The following RBFOX1 variants were observed in gnomAD, a reference collection of about 807,000 sequenced individuals.
The protein encoded by RBFOX1 is RNA binding protein fox-1 homolog 1.
Under a neutral mutation model 57.7 loss-of-function variants are expected in RBFOX1, and 8 were observed. The observed-to-expected ratio is 0.14, with a 90% CI of 0.08 to 0.25. RBFOX1 has a LOEUF of 0.25. Ranked by LOEUF, RBFOX1 falls within the 10% of genes least tolerant of loss-of-function variation. RBFOX1 has a pLI of 1.00. For synonymous variants in RBFOX1, 326 were observed against 222.4 expected (o/e 1.47, Z -4.15); for missense variants, 611 against 548.5 (o/e 1.11, Z -1.14).
intron 3 of RBFOX1, among the ~76,000 whole-genome samples, chr16:5,629,026 C>T (rs1226491590): frequency 6.6e-6 from 1 of 151,980 alleles, no homozygotes; most frequent in Admixed American, 6.6e-5. Flanking sequence ...CCATCCAGGC[C>T]CCAAGCACCC....
At chr16:5,927,951 G>GC (rs1385330708) in intron 4 of RBFOX1, among the ~76,000 whole-genome samples, 1 of 152,196 alleles carries the variant, frequency 6.6e-6, no homozygotes, top group African/African-American at 2.4e-5. Context: ...TGGGGCAGGA[G>GC]CTGGAGGTTG....
chr16:6,648,598 C>T (rs774416108), intron 2 of RBFOX1, among the ~76,000 whole-genome samples: 1 of 152,162 alleles, frequency 6.6e-6, no homozygotes, highest in South Asian at 2.1e-4. Flanking sequence ...GCCACATCCC[C>T]TGGAGGGCTT....
At chr16:6,263,500 T>C (rs2097714330) in intron 1 of RBFOX1, among the ~76,000 whole-genome samples, 1 of 152,154 alleles carries the variant, frequency 6.6e-6, no homozygotes, top group Non-Finnish European at 1.5e-5. Context: ...CAGCCTCCAT[T>C]TATGAAACCA....
intron 3 of RBFOX1, among the ~76,000 whole-genome samples, chr16:6,815,980 T>C (rs2089980398): frequency 6.6e-6 from 1 of 152,132 alleles, no homozygotes; most frequent in Non-Finnish European, 1.5e-5. Flanking sequence ...GGTTGGCAAA[T>C]CCTTTGAGAA....
chr16:6,653,141 A>G (rs558058163), intron 2 of RBFOX1, among the ~76,000 whole-genome samples: 2 of 152,154 alleles, frequency 1.3e-5, no homozygotes, highest in East Asian at 3.9e-4. Context: ...TACTTGGCTC[A>G]TCCCCCTAAC....
chr16:6,735,163 C>G (rs2069807359), intron 3 of RBFOX1, among the ~76,000 whole-genome samples: 4 of 137,368 alleles, frequency 2.9e-5, no homozygotes, highest in African/African-American at 6.3e-5. Flanking sequence ...AAAACAACAA[C>G]AACATCAACA....
At position 6,180,390 on chromosome 16, in the gene RBFOX1, G is replaced by T. The variant is rs74613440; in HGVS notation, c.-126-136605G>T. 7.8e-3 allele frequency among the ~76,000 whole-genome samples: 1,184 copies of T among 151,426 alleles called. 15 individuals are homozygous for T. Among genetic ancestry groups the T allele is most frequent in the African/African-American group, 0.028 (1,145 of 41,312 alleles). Reference sequence around the variant, plus strand: ...AGAAATATTTTTTTCATTTTATCTAGGTTATCTATTATTTTTGGCCTAAAA... The same window carrying T: ...AGAAATATTTTTTTCATTTTATCTATGTTATCTATTATTTTTGGCCTAAAA... On this transcript the variant is annotated intron_variant, in intron 1 of 15. Coordinates refer to ENST00000550418, the MANE Select transcript of RBFOX1 (RefSeq NM_018723.4).
chr16:5,982,633 T>C (rs1333124582), intron 4 of RBFOX1, among the ~76,000 whole-genome samples: 6 of 152,178 alleles, frequency 3.9e-5, no homozygotes, highest in Non-Finnish European at 5.9e-5. Context: ...TATGGCTCTA[T>C]CCATTTTCTT....
intron 5 of RBFOX1, among the ~76,000 whole-genome samples, chr16:7,561,871 ATATAT>A (rs1023976937): frequency 5.9e-5 from 9 of 152,190 alleles, no homozygotes; most frequent in African/African-American, 1.9e-4. Context: ...ATCTTGCATA[ATATAT>A]TAGGGGGGAA....
chr16:7,122,785 A>G (rs1268964013), intron 4 of RBFOX1, among the ~76,000 whole-genome samples: 1 of 152,216 alleles, frequency 6.6e-6, no homozygotes, highest in African/African-American at 2.4e-5. Flanking sequence ...CAACTCTACC[A>G]TAGCCCCCTA....
chr16:7,273,237 C>CCTTCCTTCCTTCCTTCCTTCCTTA, intron 4 of RBFOX1, among the ~76,000 whole-genome samples: 1 of 140,846 alleles, frequency 7.1e-6, no homozygotes, highest in Non-Finnish European at 1.5e-5. Flanking sequence ...TTCCTTCCTT[C>CCTTCCTTCCTTCCTTCCTTCCTTA]CTTCCTTCCT....
At chr16:6,241,388 G>A (rs1000117016) in intron 1 of RBFOX1, among the ~76,000 whole-genome samples, 1 of 152,100 alleles carries the variant, frequency 6.6e-6, no homozygotes, top group East Asian at 1.9e-4. Context: ...ATCGCATTAC[G>A]AACGTGCTCA....
At chr16:7,147,211 G>C (rs927041191) in intron 4 of RBFOX1, among the ~76,000 whole-genome samples, 1 of 149,876 alleles carries the variant, frequency 6.7e-6, no homozygotes, top group East Asian at 2.0e-4. Context: ...CACCATGTTG[G>C]CCAGGCTGGT....
chr16:7,539,953 G>T (rs2082477446), intron 5 of RBFOX1, among the ~76,000 whole-genome samples: 3 of 152,170 alleles, frequency 2.0e-5, no homozygotes, highest in Admixed American at 6.5e-5. Flanking sequence ...TCCCAACGTT[G>T]CCCTTTATTC....
chr16:7,014,949 C>G (rs1456541538), intron 3 of RBFOX1, among the ~76,000 whole-genome samples: 1 of 152,132 alleles, frequency 6.6e-6, no homozygotes, highest in Non-Finnish European at 1.5e-5. Flanking sequence ...TGGTCTCAAA[C>G]TGCTGACGTT....
At chr16:5,733,678 T>TCTTTCCCTTCTCCTGGCTTCCTTCTCC (rs2052465783) in intron 3 of RBFOX1, among the ~76,000 whole-genome samples, 1 of 152,154 alleles carries the variant, frequency 6.6e-6, no homozygotes, top group Non-Finnish European at 1.5e-5. Context: ...GTGTCCTTCC[T>TCTTTCCCTTCTCCTGGCTTCCTTCTCC]CTTTCCCTTC....
At chr16:6,374,332 A>G (rs773182808) in intron 2 of RBFOX1, among the ~76,000 whole-genome samples, 10 of 152,214 alleles carry the variant, frequency 6.6e-5, no homozygotes, top group Non-Finnish European at 1.3e-4. Flanking sequence ...TGATCAGGCA[A>G]TTGAATAGGC....
At chr16:6,691,930 C>T (rs1261756331) in intron 3 of RBFOX1, among the ~76,000 whole-genome samples, 10 of 152,090 alleles carry the variant, frequency 6.6e-5, no homozygotes. Context: ...GAGGAAGGGG[C>T]CATGGGCCAT....
chr16:6,087,336 A>T (rs1229210915), intron 1 of RBFOX1, among the ~76,000 whole-genome samples: 1 of 152,172 alleles, frequency 6.6e-6, no homozygotes, highest in East Asian at 1.9e-4. Context: ...TTAATTAACC[A>T]AGAAGTTCTT....
Sources: allele counts gnomAD v4.1 joint callset (sites outside exome capture counted in the v4.1 genomes callset), GRCh38; gene constraint gnomAD v4.1.1; transcripts MANE v1.5; gene names NCBI Gene and HGNC (gene_info 2026-07-23, HGNC 2026-07-21).